The following MTHFS variants were observed in gnomAD, a reference collection of about 807,000 sequenced individuals.
MTHFS encodes 5-formyltetrahydrofolate cyclo-ligase.
MTHFS carries 7 observed loss-of-function variants against 12.7 expected under a neutral mutation model. The ratio of observed to expected loss-of-function variants is 0.55; its 90% CI spans 0.31 to 1.03. MTHFS has a LOEUF of 1.03. MTHFS is among the 50% of genes least tolerant of loss of function. The pLI is 0.05. For missense variants in MTHFS, 252 were observed against 258.1 expected (o/e 0.98, Z 0.16); for synonymous variants, 100 against 97.1 (o/e 1.03, Z -0.18).
chr15:79,861,488 A>C (rs2033912459), intron 2 of MTHFS, among the ~76,000 whole-genome samples: 1 of 152,194 alleles, frequency 6.6e-6, no homozygotes, highest in South Asian at 2.1e-4. Flanking sequence ...ACATACTCTC[A>C]TGTGTTGGTG....
chr15:79,870,469 C>CA (rs1262025810), intron 2 of MTHFS, among the ~76,000 whole-genome samples: 1 of 151,898 alleles, frequency 6.6e-6, no homozygotes, highest in African/African-American at 2.4e-5. Flanking sequence ...GAAACAAAAA[C>CA]AAAAAACTGT....
At position 79,896,911 on chromosome 15, in the gene MTHFS, G is replaced by C. The variant is rs2034587857; in HGVS notation, c.78C>G (p.Ala26=). 3 of 1,542,354 alleles carry C rather than the reference G, an allele frequency of 1.9e-6. No homozygotes were observed. Among genetic ancestry groups the C allele is most frequent in the Non-Finnish European group, 1.7e-6 (2 of 1,146,264 alleles). ...ELKQRLRAMS[A]EERLRQSRVL... is the part of the protein sequence containing the mutation. ...CGCGGGACTGGCGTAGCCGCTCCTC[G>C]GCACTCATCGCCCGCAGACGCTGCT... is the stretch of plus-strand genomic sequence containing the variant. Residue 26 remains alanine, a synonymous_variant, in exon 1 of 3, where the codon GCC becomes GCG. Coordinates refer to ENST00000258874, the MANE Select transcript of MTHFS (RefSeq NM_006441.4).
intron 2 of MTHFS, among the ~76,000 whole-genome samples, chr15:79,884,087 A>G (rs1566997109): frequency 6.6e-6 from 1 of 152,236 alleles, no homozygotes; most frequent in Non-Finnish European, 1.5e-5. Flanking sequence ...AAACTCCATA[A>G]CAGATATGTA....
intron 1 of MTHFS, among the ~76,000 whole-genome samples, chr15:79,891,327 T>A (rs1296390716): frequency 2.6e-5 from 4 of 151,952 alleles, no homozygotes; most frequent in Non-Finnish European, 4.4e-5. Flanking sequence ...AAAGTCAAAA[T>A]ACAAAATAGA....
chr15:79,890,039 A>C (rs1885244680), intron 1 of MTHFS, among the ~76,000 whole-genome samples: 1 of 152,062 alleles, frequency 6.6e-6, no homozygotes, highest in African/African-American at 2.4e-5. Context: ...AATGAATATT[A>C]AAATATTCAC....
At chr15:79,874,437 T>G (rs2034155280) in intron 2 of MTHFS, among the ~76,000 whole-genome samples, 1 of 152,064 alleles carries the variant, frequency 6.6e-6, no homozygotes, top group Admixed American at 6.6e-5. Context: ...GGTTTGGAGC[T>G]CAACAAAAGC....
chr15:79,886,427 C>T lies in MTHFS; in HGVS notation c.379+2666G>A, dbSNP rs191698856. ...GAGCTTTGACCCCAGACTGAAGTTT[C>T]GAGAAACTGTGGGTATAATCCTCTA... On this transcript the variant is annotated intron_variant, in intron 2 of 2. Coordinates refer to ENST00000258874, the MANE Select transcript of MTHFS (RefSeq NM_006441.4). Among the ~76,000 whole-genome samples, 823 of 152,168 alleles carry T rather than the reference C, an allele frequency of 5.4e-3. 1 individual carries two copies. Among genetic ancestry groups the T allele is most frequent in the Non-Finnish European group, 8.4e-3 (574 of 68,012 alleles).
intron 2 of MTHFS, among the ~76,000 whole-genome samples, chr15:79,878,581 G>C (rs530771323): frequency 6.7e-6 from 1 of 149,972 alleles, no homozygotes; most frequent in Non-Finnish European, 1.5e-5. Flanking sequence ...CGTATCTCAG[G>C]CCTGCTCAGT....
chr15:79,846,853 A>C (rs622506), intron 2 of MTHFS, among the ~76,000 whole-genome samples: 51,438 of 152,068 alleles, frequency 0.34, 9,574 homozygotes, highest in South Asian at 0.47. Flanking sequence ...TCTGTCTTCT[A>C]TACCTAGAAC....
intron 2 of MTHFS, among the ~76,000 whole-genome samples, chr15:79,865,210 A>G (rs2033988124): frequency 2.0e-5 from 3 of 152,234 alleles, no homozygotes; most frequent in Admixed American, 2.0e-4. Context: ...ATGTACCTGA[A>G]CTTGTAAAAC....
intron 2 of MTHFS, among the ~76,000 whole-genome samples, chr15:79,848,266 A>G (rs1219282562): frequency 6.6e-6 from 1 of 152,254 alleles, no homozygotes; most frequent in Non-Finnish European, 1.5e-5. Context: ...ATACTTTATG[A>G]TGCCACTTAC....
At chr15:79,894,241 C>T (rs564366669) in intron 1 of MTHFS, among the ~76,000 whole-genome samples, 5 of 152,226 alleles carry the variant, frequency 3.3e-5, no homozygotes, top group South Asian at 2.1e-4. Flanking sequence ...ATTAGCTGAG[C>T]ATGGCGGCAC....
At chr15:79,884,047 G>A (rs995936945) in intron 2 of MTHFS, among the ~76,000 whole-genome samples, 1 of 152,188 alleles carries the variant, frequency 6.6e-6, no homozygotes, top group Non-Finnish European at 1.5e-5. Context: ...CCTACTATGT[G>A]CCAAACACTA....
chr15:79,853,715 G>A (rs1023531973), intron 2 of MTHFS, among the ~76,000 whole-genome samples: 8 of 152,190 alleles, frequency 5.3e-5, no homozygotes, highest in Non-Finnish European at 1.0e-4. Flanking sequence ...GAAACATGCA[G>A]AGCGGTCCGT....
At chr15:79,873,970 T>G (rs1475816551) in intron 2 of MTHFS, among the ~76,000 whole-genome samples, 1 of 152,186 alleles carries the variant, frequency 6.6e-6, no homozygotes, top group East Asian at 1.9e-4. Context: ...TATAGGGATA[T>G]GCAGGGAAGA....
rs1872665246 is a variant in MTHFS, at chr15:79,896,902, C to A, written c.87G>T (p.Arg29=). 1 of 1,542,920 alleles carries A rather than the reference C, an allele frequency of 6.5e-7. No homozygotes were observed. The change falls in exon 1 of 3, where the codon CGG becomes CGT. Residue 29 remains arginine, a synonymous_variant. Coordinates refer to ENST00000258874, the MANE Select transcript of MTHFS (RefSeq NM_006441.4). ...GGCTCAGTACGCGGGACTGGCGTAG[C>A]CGCTCCTCGGCACTCATCGCCCGCA... is the stretch of plus-strand genomic sequence containing the variant. ...QRLRAMSAEE[R]LRQSRVLSQK... is the part of the protein sequence containing the mutation.
chr15:79,879,478 C>A (rs925725601), intron 2 of MTHFS, among the ~76,000 whole-genome samples: 10 of 148,940 alleles, frequency 6.7e-5, no homozygotes, highest in African/African-American at 2.4e-4. Context: ...CAGGCACCCA[C>A]CAGCATGCCC....
chr15:79,889,066 A>T (rs1475349582), intron 2 of MTHFS, 27 bp downstream of exon 2: 2 of 1,610,310 alleles, frequency 1.2e-6, no homozygotes, highest in Non-Finnish European at 1.7e-6. Context: ...TCATAATCTA[A>T]CAACATCCTA....
intron 2 of MTHFS, among the ~76,000 whole-genome samples, chr15:79,878,877 C>A (rs919203590): frequency 4.9e-5 from 7 of 143,328 alleles, no homozygotes; most frequent in African/African-American, 1.8e-4. Flanking sequence ...TTTTTTCTTT[C>A]TTTCTTTAAT....
Sources: gnomAD v4.1 joint callset for allele counts (sites outside exome capture counted in the v4.1 genomes callset) on GRCh38, gnomAD v4.1.1 for gene constraint, MANE v1.5 for transcripts, NCBI Gene and HGNC (gene_info 2026-07-23, HGNC 2026-07-21) for gene names.